Variants in NEGR1 observed in about 807,000 individuals in gnomAD.
The protein encoded by NEGR1 is neuronal growth regulator 1, also known as IgLON family member 4.
Under a neutral mutation model 40.9 loss-of-function variants are expected in NEGR1, and 10 were observed. The observed-to-expected ratio is 0.24, with a 90% CI of 0.15 to 0.42. The LOEUF is 0.42. Ranked by LOEUF, NEGR1 falls within the 10% of genes least tolerant of loss-of-function variation. NEGR1 has a pLI of 1.00. For synonymous variants in NEGR1, 185 were observed against 166.8 expected (o/e 1.11, Z -0.84); for missense variants, 352 against 438.9 (o/e 0.80, Z 1.77).
At chr1:71,649,068 T>A (rs11578555) in intron 4 of NEGR1, among the ~76,000 whole-genome samples, 2 of 152,064 alleles carry the variant, frequency 1.3e-5, no homozygotes, top group African/African-American at 2.4e-5. Flanking sequence ...GTTATTGATG[T>A]ATATGTAGAA....
intron 2 of NEGR1, among the ~76,000 whole-genome samples, chr1:71,898,919 T>C (rs1374677858): frequency 1.5e-5 from 2 of 133,944 alleles, no homozygotes; most frequent in Non-Finnish European, 3.1e-5. Flanking sequence ...ATTGCAAATA[T>C]ATATTTGCAA....
chr1:71,601,771 T>C lies in NEGR1; in HGVS notation c.789-8803A>G, dbSNP rs183624249. Among the ~76,000 whole-genome samples, 5 of 152,076 alleles carry C rather than the reference T, an allele frequency of 3.3e-5. No homozygotes were observed. The East Asian group carries it at 7.8e-4, about 24-fold the overall frequency. On this transcript the variant is annotated intron_variant, in intron 5 of 6. Transcript: ENST00000357731. The stretch of plus-strand genomic sequence containing the variant: ...GTTAAAAAATGGGTACACATGGACA[T>C]AAAAATGGAAAATAGACACTGAGGA...
intron 1 of NEGR1, among the ~76,000 whole-genome samples, chr1:72,256,663 GAATA>G (rs1168371326): frequency 1.3e-5 from 2 of 152,132 alleles, no homozygotes; most frequent in East Asian, 1.9e-4. Flanking sequence ...GTAAAAACTA[GAATA>G]TATAATCTGT....
chr1:71,454,112 A>G (rs1005525466), intron 6 of NEGR1, among the ~76,000 whole-genome samples: 1 of 152,168 alleles, frequency 6.6e-6, no homozygotes, highest in Non-Finnish European at 1.5e-5. Flanking sequence ...TTTCTCAAGA[A>G]TATTCCCAGT....
At position 71,910,530 on chromosome 1, in the gene NEGR1, T is replaced by G. The variant is rs188898679; in HGVS notation, c.409+24549A>C. 9.2e-5 allele frequency among the ~76,000 whole-genome samples: 14 copies of G among 152,308 alleles called. No individual in the cohort carries two copies. The East Asian group carries it at 2.7e-3, about 29-fold the overall frequency. The stretch of plus-strand genomic sequence containing the variant: ...GAGTGTAAATTTAAGTCCAGATAAT[T>G]TGACTTGAAAATCCATTCTATTTTT... On this transcript the variant is annotated intron_variant, in intron 2 of 6. Transcript: ENST00000357731.
chr1:72,189,801 G>T (rs1440126941), intron 1 of NEGR1, among the ~76,000 whole-genome samples: 1 of 151,484 alleles, frequency 6.6e-6, no homozygotes, highest in Non-Finnish European at 1.5e-5. Context: ...GTATTATATT[G>T]TTCATGATAC....
intron 1 of NEGR1, among the ~76,000 whole-genome samples, chr1:72,130,150 C>A (rs571795602): frequency 6.6e-6 from 1 of 152,150 alleles, no homozygotes; most frequent in Non-Finnish European, 1.5e-5. Context: ...CAATTACTTA[C>A]GCTTTTTTCT....
intron 2 of NEGR1, among the ~76,000 whole-genome samples, chr1:71,854,463 A>AT (rs869044964): frequency 3.3e-5 from 5 of 152,118 alleles, no homozygotes; most frequent in Non-Finnish European, 7.4e-5. Context: ...TTTAGAAGAT[A>AT]TTTTTTAAAA....
chr1:71,667,226 G>A (rs943946283), intron 4 of NEGR1, among the ~76,000 whole-genome samples: 2 of 152,236 alleles, frequency 1.3e-5, no homozygotes, highest in East Asian at 1.9e-4. Flanking sequence ...TTTAGTCTTC[G>A]ATGTGACTCT....
chr1:71,845,923 C>CT (rs368324879), intron 2 of NEGR1, among the ~76,000 whole-genome samples: 75,688 of 110,418 alleles, frequency 0.69, 26,834 homozygotes, highest in Middle Eastern at 0.78. Flanking sequence ...CGGCACCTGG[C>CT]TTTTTTTTTT....
chr1:71,477,704 G>A (rs1646830277), intron 6 of NEGR1, among the ~76,000 whole-genome samples: 2 of 151,980 alleles, frequency 1.3e-5, no homozygotes, highest in Non-Finnish European at 2.9e-5. Context: ...TTTGTAGAAG[G>A]TAAATCTCTT....
At chr1:72,064,617 C>G (rs1207060411) in intron 1 of NEGR1, among the ~76,000 whole-genome samples, 1 of 151,860 alleles carries the variant, frequency 6.6e-6, no homozygotes. Context: ...AAATTTCTTC[C>G]CAGAATGGAC....
chr1:72,069,264 AAAACAAAC>A (rs1020832309), intron 1 of NEGR1, among the ~76,000 whole-genome samples: 1 of 151,802 alleles, frequency 6.6e-6, no homozygotes, highest in Non-Finnish European at 1.5e-5. Flanking sequence ...ACAAAAAACA[AAAACAAAC>A]AAACAAACAA....
At chr1:71,754,200 A>G (rs945999555) in intron 3 of NEGR1, among the ~76,000 whole-genome samples, 66 of 152,114 alleles carry the variant, frequency 4.3e-4, no homozygotes, top group Non-Finnish European at 8.2e-4. Flanking sequence ...CACAGTACCC[A>G]CCTCAGAGGT....
intron 1 of NEGR1, among the ~76,000 whole-genome samples, chr1:72,118,182 T>C (rs1649653752): frequency 6.6e-6 from 1 of 151,848 alleles, no homozygotes; most frequent in Non-Finnish European, 1.5e-5. Context: ...ATTAAGGAGA[T>C]ATAGCATAGT....
chr1:71,785,571 G>A (rs1469647086), intron 2 of NEGR1, among the ~76,000 whole-genome samples: 3 of 152,042 alleles, frequency 2.0e-5, no homozygotes, highest in Non-Finnish European at 4.4e-5. Context: ...TTTCAGTGTA[G>A]TTACTATTCC....
At chr1:71,529,450 TCAGA>T (rs1367484943) in intron 6 of NEGR1, among the ~76,000 whole-genome samples, 1 of 151,212 alleles carries the variant, frequency 6.6e-6, no homozygotes, top group Non-Finnish European at 1.5e-5. Flanking sequence ...TGTAATGTAT[TCAGA>T]CAGACAGGCT....
At chr1:72,021,944 G>A (rs1468675091) in intron 1 of NEGR1, among the ~76,000 whole-genome samples, 1 of 151,954 alleles carries the variant, frequency 6.6e-6, no homozygotes, top group Admixed American at 6.6e-5. Context: ...GACCATCCTG[G>A]CTAACATGGT....
At chr1:71,532,560 C>T (rs1647388279) in intron 6 of NEGR1, among the ~76,000 whole-genome samples, 1 of 151,622 alleles carries the variant, frequency 6.6e-6, no homozygotes, top group Non-Finnish European at 1.5e-5. Flanking sequence ...CTTGTAAACT[C>T]TCTACAGCTC....
Sources: allele counts gnomAD v4.1 joint callset (sites outside exome capture counted in the v4.1 genomes callset), GRCh38; gene constraint gnomAD v4.1.1; transcripts MANE v1.5; gene names NCBI Gene and HGNC (gene_info 2026-07-23, HGNC 2026-07-21).